The following TMEM41B variants were observed in gnomAD, a reference collection of about 807,000 sequenced individuals.
The protein encoded by TMEM41B is transmembrane protein 41B.
TMEM41B carries 18 observed loss-of-function variants against 31.9 expected under a neutral mutation model. The ratio of observed to expected loss-of-function variants is 0.56; its 90% CI spans 0.39 to 0.84. TMEM41B has a LOEUF of 0.84. Among genes scored for constraint, TMEM41B ranks in the 40% least tolerant of loss-of-function variants. The pLI, the probability that TMEM41B is intolerant of heterozygous loss-of-function variation, is 0.00. For synonymous variants in TMEM41B, 144 were observed against 124.3 expected (o/e 1.16, Z -1.05); for missense variants, 322 against 348.0 (o/e 0.93, Z 0.59).
chr11:9,285,623 C>T (rs1440364987), intron 6 of TMEM41B, among the ~76,000 whole-genome samples: 1 of 152,000 alleles, frequency 6.6e-6, no homozygotes, highest in Non-Finnish European at 1.5e-5. Flanking sequence ...ATTTCAAAAT[C>T]AAGTATTATT....
intron 1 of TMEM41B, among the ~76,000 whole-genome samples, chr11:9,308,976 T>C (rs1853465748): frequency 6.6e-6 from 1 of 151,964 alleles, no homozygotes; most frequent in Non-Finnish European, 1.5e-5. Flanking sequence ...TGGCCGGGCG[T>C]GGGGCTAACA....
intron 1 of TMEM41B, among the ~76,000 whole-genome samples, chr11:9,309,608 G>C (rs1853502919): frequency 6.6e-6 from 1 of 151,428 alleles, no homozygotes; most frequent in South Asian, 2.1e-4. Flanking sequence ...CTAGACCAGG[G>C]ATCTGGATTA....
At position 9,295,365 on chromosome 11, in the gene TMEM41B, C is replaced by T. The variant is rs369268419; in HGVS notation, c.262G>A (p.Val88Ile). Reference protein sequence around the residue: ...LSEEERVNMKVPRDMDDAKAL... With the variant: ...LSEEERVNMKIPRDMDDAKAL... ...TTGGCATCATCCATATCTCTGGGAACCTTCATATTCACTCTTTCTTCTCTG... is the reference window on the plus strand; with the variant it reads ...TTGGCATCATCCATATCTCTGGGAATCTTCATATTCACTCTTTCTTCTCTG... Residue 88 changes from valine (V) to isoleucine (I), a missense_variant, in exon 3 of 7, where the codon GTT (valine) becomes ATT (isoleucine). Around this residue, in one of 3 missense-constraint regions of TMEM41B, gnomAD observed 183 missense variants for 175.3 expected, o/e 1.04. Transcript: ENST00000528080. The T allele has an allele frequency of 6.3e-7, 1 of 1,584,942 alleles. No homozygotes were observed. Among genetic ancestry groups the T allele is most frequent in the Non-Finnish European group, 8.6e-7 (1 of 1,167,746 alleles).
chr11:9,310,651 AG>A (rs1157970556), intron 1 of TMEM41B, among the ~76,000 whole-genome samples: 1 of 123,408 alleles, frequency 8.1e-6, no homozygotes. Context: ...TTAGGTTAAG[AG>A]CCCTTTTTTT....
chr11:9,284,299 C>T (rs1852787878), intron 6 of TMEM41B, among the ~76,000 whole-genome samples: 1 of 151,852 alleles, frequency 6.6e-6, no homozygotes, highest in African/African-American at 2.4e-5. Flanking sequence ...GCGTGTACCA[C>T]CACACCCAGG....
intron 4 of TMEM41B, 45 bp from the exon 5 acceptor site, chr11:9,287,851 T>TA: frequency 7.0e-7 from 1 of 1,431,092 alleles, no homozygotes; most frequent in Non-Finnish European, 9.7e-7. Context: ...TTTTCCGTCT[T>TA]ACTCACATTG....
intron 3 of TMEM41B, among the ~76,000 whole-genome samples, chr11:9,293,645 G>A (rs1853008956): frequency 6.6e-6 from 1 of 151,954 alleles, no homozygotes; most frequent in African/African-American, 2.4e-5. Flanking sequence ...GCAGTGGCAC[G>A]ATCTCAGCTC....
intron 3 of TMEM41B, among the ~76,000 whole-genome samples, chr11:9,292,694 T>G (rs912196177): frequency 6.6e-6 from 1 of 151,990 alleles, no homozygotes; most frequent in African/African-American, 2.4e-5. Flanking sequence ...AGACGGGATT[T>G]CTTCATGTTG....
rs774073449 is a variant in TMEM41B at position 9,288,469 on chromosome 11, A to G, written c.435T>C (p.Phe145=). The G allele has an allele frequency of 6.3e-7, 1 of 1,591,714 alleles. No individual in the cohort carries two copies. The highest frequency in any genetic ancestry group is 2.3e-5 in the East Asian group (1 of 44,416). Residue 145 remains phenylalanine, a synonymous_variant, in exon 4 of 7, where the codon TTT becomes TTC. Transcript: ENST00000528080. ...LSILSGFLYP[F]PLALFLVCLC... is the part of the protein sequence containing the mutation. ...AACAAACAAGAAATAAGGCTAGTGG[A>G]AAGGGATAAAGAAACCCTGAGAGTA...
intron 3 of TMEM41B, chr11:9,294,972 C>A: frequency 4.5e-6 from 1 of 220,730 alleles, no homozygotes; most frequent in Non-Finnish European, 8.2e-6. Flanking sequence ...ATAAATCAAA[C>A]CCATAAAATA....
intron 6 of TMEM41B, among the ~76,000 whole-genome samples, 153 bp downstream of exon 6, chr11:9,286,302 C>T (rs879609876): frequency 6.6e-6 from 1 of 152,200 alleles, no homozygotes; most frequent in African/African-American, 2.4e-5. Flanking sequence ...ACAAACACTT[C>T]TGAGCATCTA....
At chr11:9,288,307 T>C (rs1852880789) in intron 4 of TMEM41B, 135 bp downstream of exon 4, 9 of 605,176 alleles carry the variant, frequency 1.5e-5, no homozygotes, top group Non-Finnish European at 2.5e-5. Context: ...CACCTCCTTG[T>C]GGAGGGACTT....
chr11:9,300,722 C>T (rs1318825291), intron 1 of TMEM41B, among the ~76,000 whole-genome samples: 2 of 151,488 alleles, frequency 1.3e-5, no homozygotes, highest in East Asian at 3.9e-4. Flanking sequence ...ACTAAAAATA[C>T]AAAAAATTAG....
At chr11:9,296,956 T>C (rs898841247) in intron 2 of TMEM41B, among the ~76,000 whole-genome samples, 2 of 152,138 alleles carry the variant, frequency 1.3e-5, no homozygotes, top group African/African-American at 4.8e-5. Context: ...CCATGCTCTG[T>C]CACCCAGGCT....
chr11:9,300,629 A>G (rs987213126), intron 1 of TMEM41B, among the ~76,000 whole-genome samples: 1 of 152,178 alleles, frequency 6.6e-6, no homozygotes, highest in Non-Finnish European at 1.5e-5. Flanking sequence ...CTGTAATCCC[A>G]GCACTTTGGG....
At position 9,287,729 on chromosome 11, in the gene TMEM41B, T is replaced by C. The variant is rs1332276335; in HGVS notation, c.540A>G (p.Thr180=). Residue 180 remains threonine (T), a synonymous_variant, in exon 5 of 7, where the codon ACA becomes ACG. Transcript: ENST00000528080. ...GCTGTGACCATTTTACTGCTTTCTC[T>C]GTTAGGTATTTGTATACAACTGGTC... is the stretch of plus-strand genomic sequence containing the variant. The part of the protein sequence containing the change: ...VGRPVVYKYL[T]EKAVKWSQQV... 1 of 1,611,838 alleles carries C rather than the reference T, an allele frequency of 6.2e-7. No homozygotes were observed. The highest frequency in any genetic ancestry group is 1.1e-5 in the South Asian group (1 of 90,346).
At chr11:9,305,190 G>A (rs957316385) in intron 1 of TMEM41B, among the ~76,000 whole-genome samples, 1 of 148,656 alleles carries the variant, frequency 6.7e-6, no homozygotes, top group Non-Finnish European at 1.5e-5. Context: ...AAGTAGGTAA[G>A]GAATGAGGGT....
chr11:9,311,355 T>G, intron 1 of TMEM41B: 1 of 1,500,066 alleles, frequency 6.7e-7, no homozygotes, highest in South Asian at 1.1e-5. Context: ...TTTCTTCATT[T>G]TCTTCTGTAT....
At chr11:9,286,178 C>G (rs561997113) in intron 6 of TMEM41B, among the ~76,000 whole-genome samples, 1 of 94,198 alleles carries the variant, frequency 1.1e-5, no homozygotes, top group Non-Finnish European at 2.2e-5. Context: ...TTTTTCCTCT[C>G]CACTTAGAGG....
Sources: gnomAD v4.1 joint callset for allele counts (sites outside exome capture counted in the v4.1 genomes callset) on GRCh38, gnomAD v4.1.1 for gene constraint, gnomAD v4.1.1 regional missense constraint, MANE v1.5 for transcripts, NCBI Gene and HGNC (gene_info 2026-07-23, HGNC 2026-07-21) for gene names.